Variants in MARCHF4 observed in about 807,000 individuals in gnomAD.
MARCHF4 encodes the protein membrane associated ring-CH-type finger 4.
In MARCHF4, 14 loss-of-function variants were observed where a neutral mutation model predicts 43.9. The observed-to-expected ratio is 0.32, with a 90% confidence interval of 0.21 to 0.50. The LOEUF (loss-of-function observed/expected upper bound fraction) is 0.50. Ranked by LOEUF, MARCHF4 falls within the 20% of genes least tolerant of loss-of-function variation. MARCHF4 has a pLI of 0.98. For synonymous variants in MARCHF4, 226 were observed against 213.3 expected, an observed-to-expected ratio of 1.06 and a Z score of -0.52; for missense variants, 468 against 536.7, an observed-to-expected ratio of 0.87 and a Z score of 1.27.
intron 1 of MARCHF4, among the ~76,000 whole-genome samples, chr2:216,341,047 T>A (rs1553518959): frequency 6.6e-6 from 1 of 152,060 alleles, no homozygotes; most frequent in Non-Finnish European, 1.5e-5. Flanking sequence ...TCTCCTCGGA[T>A]CCCCCAGCGT....
chr2:216,307,991 G>T (rs559273075), intron 1 of MARCHF4, among the ~76,000 whole-genome samples: 1 of 152,318 alleles, frequency 6.6e-6, no homozygotes, highest in East Asian at 1.9e-4. Flanking sequence ...AGGAGTTCAA[G>T]GCTGCAGTGA....
intron 1 of MARCHF4, among the ~76,000 whole-genome samples, chr2:216,355,231 C>T (rs1692482804): frequency 6.6e-6 from 1 of 152,052 alleles, no homozygotes; most frequent in Non-Finnish European, 1.5e-5. Flanking sequence ...CTTGGCCTCC[C>T]AAAGCGCTGG....
intron 2 of MARCHF4, among the ~76,000 whole-genome samples, chr2:216,278,230 AT>A (rs988144579): frequency 1.3e-5 from 2 of 151,706 alleles, no homozygotes; most frequent in African/African-American, 4.8e-5. Flanking sequence ...TTATTTATTT[AT>A]TTATTTATTT....
At chr2:216,288,579 C>T (rs1364999155) in intron 1 of MARCHF4, among the ~76,000 whole-genome samples, 1 of 152,068 alleles carries the variant, frequency 6.6e-6, no homozygotes, top group Non-Finnish European at 1.5e-5. Context: ...TTCCTTATGT[C>T]ACCTTGGGGA....
chr2:216,363,863 T>A (rs1243233598), intron 1 of MARCHF4, among the ~76,000 whole-genome samples: 7 of 152,178 alleles, frequency 4.6e-5, no homozygotes, highest in Non-Finnish European at 1.0e-4. Context: ...ATGTAACATG[T>A]TTACTGGGCC....
chr2:216,271,224 A>C (rs1690930349), intron 3 of MARCHF4, among the ~76,000 whole-genome samples: 1 of 152,170 alleles, frequency 6.6e-6, no homozygotes, highest in African/African-American at 2.4e-5. Flanking sequence ...GACTATTTGC[A>C]TTGAGCCATA....
chr2:216,270,248 T>A (rs1302784780), intron 3 of MARCHF4, among the ~76,000 whole-genome samples: 1 of 152,094 alleles, frequency 6.6e-6, no homozygotes, highest in Non-Finnish European at 1.5e-5. Flanking sequence ...GCTAATTTTT[T>A]AAATTTTTGT....
rs554283744 is a variant in MARCHF4 at position 216,289,996 on chromosome 2, C to A, written c.517-6267G>T. 3.2e-4 allele frequency among the ~76,000 whole-genome samples: 49 copies of A among 152,156 alleles called. 1 individual carries two copies. The highest frequency in any genetic ancestry group is 5.9e-4 in the Non-Finnish European group (40 of 68,032). ...GGGCCTTGCTCAATTATCATTTATTCATTAAATATTTATCTACTATGTTCC... is the reference window on the plus strand; with the variant it reads ...GGGCCTTGCTCAATTATCATTTATTAATTAAATATTTATCTACTATGTTCC... On this transcript the variant is annotated intron_variant, in intron 1 of 3. Coordinates refer to ENST00000273067, the MANE Select transcript of MARCHF4 (RefSeq NM_020814.3).
At chr2:216,359,943 TC>T (rs1203602547) in intron 1 of MARCHF4, among the ~76,000 whole-genome samples, 1 of 152,126 alleles carries the variant, frequency 6.6e-6, no homozygotes, top group African/African-American at 2.4e-5. Context: ...TCTCCTCTCC[TC>T]CTCCAGGGCC....
intron 1 of MARCHF4, among the ~76,000 whole-genome samples, chr2:216,325,155 T>C (rs556344822): frequency 1.3e-5 from 2 of 152,294 alleles, no homozygotes; most frequent in South Asian, 2.1e-4. Context: ...ATCACAAGCA[T>C]TCTTATACAC....
intron 1 of MARCHF4, among the ~76,000 whole-genome samples, chr2:216,296,834 C>T (rs1443494054): frequency 6.6e-6 from 1 of 152,182 alleles, no homozygotes; most frequent in Non-Finnish European, 1.5e-5. Flanking sequence ...GGGCACTGGC[C>T]TTTCTGAGGG....
chr2:216,369,930 G>T lies in MARCHF4; in HGVS notation c.331C>A (p.Pro111Thr). 1 of 1,608,656 alleles carries T rather than the reference G, an allele frequency of 6.2e-7. No homozygotes were observed. The highest frequency in any genetic ancestry group is 8.5e-7 in the Non-Finnish European group (1 of 1,177,254). Residue 111 changes from proline to threonine, a missense_variant, in exon 1 of 4, where the codon CCA (proline) becomes ACA (threonine). Pro to Thr is a conservative substitution (Grantham distance 38). Transcript: ENST00000273067. ...PPPVPPPPPLPPSSVEDDWGG... is the reference protein window; with the variant it reads ...PPPVPPPPPLTPSSVEDDWGG... ...CAGTCATCTTCCACAGAAGAAGGTG[G>T]CAAGGGGGGTGGAGGTGGCACAGGA...
Position 216,259,516 on chromosome 2 carries a change from A to T in MARCHF4, c.1029T>A (p.Asn343Lys), listed in dbSNP as rs1559279593. The change falls in exon 4 of 4, where the codon AAT becomes AAA. Residue 343 changes from asparagine (N) to lysine (K), a missense_variant. Around this residue, in one of 3 missense-constraint regions of MARCHF4, gnomAD observed 120 missense variants for 127.1 expected, o/e 0.94. Coordinates refer to ENST00000273067, the MANE Select transcript of MARCHF4 (RefSeq NM_020814.3). ...CGGTCTCCTCTTCCGAGGAGGGGAT[A>T]TTGGCCTGGGTGGATGAGGAGGTCC... is the stretch of plus-strand genomic sequence containing the variant. Reference protein sequence around the residue: ...NPRTSSSTQANIPSSEEETAG... With the variant: ...NPRTSSSTQAKIPSSEEETAG... 6.2e-7 allele frequency: 1 copy of T among 1,614,058 alleles called. No individual in the cohort carries two copies.
At chr2:216,295,129 G>C (rs1026993527) in intron 1 of MARCHF4, among the ~76,000 whole-genome samples, 2 of 152,234 alleles carry the variant, frequency 1.3e-5, no homozygotes, top group Admixed American at 1.3e-4. Flanking sequence ...GCAGACCGAG[G>C]CTGGCTGGGT....
intron 2 of MARCHF4, among the ~76,000 whole-genome samples, chr2:216,282,712 T>A (rs1011672381): frequency 4.6e-5 from 7 of 152,198 alleles, no homozygotes; most frequent in African/African-American, 1.7e-4. Context: ...ACAATGGATG[T>A]GTCAGGGCAG....
At chr2:216,306,026 T>C (rs538917808) in intron 1 of MARCHF4, among the ~76,000 whole-genome samples, 144 of 152,336 alleles carry the variant, frequency 9.5e-4, no homozygotes, top group African/African-American at 3.4e-3. Flanking sequence ...ATTATCATTA[T>C]TGTCATCATC....
intron 1 of MARCHF4, among the ~76,000 whole-genome samples, chr2:216,356,949 G>C (rs1425526110): frequency 6.6e-6 from 1 of 151,958 alleles, no homozygotes; most frequent in Non-Finnish European, 1.5e-5. Flanking sequence ...CTTAAACCTG[G>C]GAGGCGGAGG....
chr2:216,356,167 G>C (rs946917784), intron 1 of MARCHF4, among the ~76,000 whole-genome samples: 1 of 152,232 alleles, frequency 6.6e-6, no homozygotes, highest in Non-Finnish European at 1.5e-5. Flanking sequence ...GTTAAGAAGT[G>C]TTCAAGAACA....
At chr2:216,328,382 G>C (rs1692029828) in intron 1 of MARCHF4, among the ~76,000 whole-genome samples, 1 of 152,176 alleles carries the variant, frequency 6.6e-6, no homozygotes. Context: ...GGCCAGAATG[G>C]TCTCGATCTC....
Sources: gnomAD v4.1 joint callset for allele counts (sites outside exome capture counted in the v4.1 genomes callset) on GRCh38, gnomAD v4.1.1 for gene constraint, gnomAD v4.1.1 regional missense constraint, MANE v1.5 for transcripts, NCBI Gene and HGNC (gene_info 2026-07-23, HGNC 2026-07-21) for gene names.